Variants in GARRE1 observed in about 807,000 individuals in gnomAD.
GARRE1 encodes the protein granule associated Rac and RHOG effector 1, also known as granule associated Rac and RHOG effector protein 1.
In GARRE1, 49 loss-of-function variants were observed where a neutral mutation model predicts 103.2. The ratio of observed to expected loss-of-function variants is 0.47; its 90% CI spans 0.38 to 0.60. The LOEUF (loss-of-function observed/expected upper bound fraction) is 0.60. Ranked by LOEUF, GARRE1 falls within the 20% of genes least tolerant of loss-of-function variation. The probability of loss-of-function intolerance (pLI) is 0.00; values close to 1 mark genes in which losing one functional copy is unlikely to be tolerated. For missense variants in GARRE1, 1,199 were observed against 1,370.5 expected (o/e 0.87, Z 1.98); for synonymous variants, 505 against 532.8 (o/e 0.95, Z 0.72).
At position 34,327,406 on chromosome 19, in the gene GARRE1, C is replaced by G. The variant is rs370732103; in HGVS notation, c.706-15C>G. 1.1e-5 allele frequency: 18 copies of G among 1,613,486 alleles called. No homozygotes were observed. Among genetic ancestry groups the G allele is most frequent in the Admixed American group, 3.3e-5 (2 of 59,976 alleles). On this transcript the variant is annotated splice_polypyrimidine_tract_variant and intron_variant, in intron 3 of 13. Coordinates refer to ENST00000299505, the MANE Select transcript of GARRE1 (RefSeq NM_014686.5). ...ACCACCCTCTTTTACCTACCAGTTA[C>G]TATATATGTTACAGGCGACATCTAG...
In GARRE1 at chr19:34,349,066, C is replaced by G. The variant is rs374939720; in HGVS notation, c.2738C>G (p.Ser913Trp). ...GGTGCTCAGGGAGACTCTGCCAGCT[C>G]GAGTGATGAGACATCCTCAGCCAAC... ...WSGAQGDSASSSDETSSANGD... is the reference protein window; with the variant it reads ...WSGAQGDSASWSDETSSANGD... Residue 913 changes from serine to tryptophan, a missense_variant, in exon 12 of 14, where the codon TCG becomes TGG. Coordinates refer to ENST00000299505, the MANE Select transcript of GARRE1 (RefSeq NM_014686.5). 1.2e-6 allele frequency: 2 copies of G among 1,612,532 alleles called. No homozygotes were observed.
rs2074236959 is a variant in GARRE1 at position 34,351,525 on chromosome 19, G to A, written c.2837G>A (p.Ser946Asn). The A allele has an allele frequency of 6.2e-7, 1 of 1,613,888 alleles. No homozygotes were observed. Among genetic ancestry groups the A allele is most frequent in the Non-Finnish European group, 8.5e-7 (1 of 1,179,838 alleles). The stretch of plus-strand genomic sequence containing the variant: ...CTTGGTTCTTGCAGGAAACACAGCA[G>A]TGGAGAGCAAGACACCAGCACGCTG... ...AAVKQRRKHS[S>N]GEQDTSTLPS... The change falls in exon 13 of 14, where the codon AGT (serine) becomes AAT (asparagine). Residue 946 changes from serine to asparagine, a missense_variant. Physicochemically the swap from Ser to Asn is conservative, Grantham distance 46. Transcript: ENST00000299505.
chr19:34,269,509 A>G (rs2073773661), intron 1 of GARRE1, among the ~76,000 whole-genome samples: 2 of 152,186 alleles, frequency 1.3e-5, no homozygotes, highest in South Asian at 2.1e-4. Flanking sequence ...TTGTCAACCA[A>G]TCAATTATAT....
chr19:34,335,974 T>A (rs1203418047), intron 8 of GARRE1, among the ~76,000 whole-genome samples: 1 of 152,010 alleles, frequency 6.6e-6, no homozygotes, highest in East Asian at 1.9e-4. Flanking sequence ...GTTCTTTTAT[T>A]TTTTTAAATT....
intron 1 of GARRE1, among the ~76,000 whole-genome samples, chr19:34,276,687 C>T (rs10416656): frequency 6.6e-6 from 1 of 152,118 alleles, no homozygotes; most frequent in Non-Finnish European, 1.5e-5. Flanking sequence ...GTCACAGATA[C>T]CGCAGCCACT....
chr19:34,280,653 G>T (rs913778008), intron 1 of GARRE1, among the ~76,000 whole-genome samples: 5 of 152,040 alleles, frequency 3.3e-5, no homozygotes, highest in Admixed American at 6.6e-5. Context: ...TATATTTAAT[G>T]ATTTTCACCC....
At chr19:34,292,125 G>C (rs1013808880) in intron 1 of GARRE1, among the ~76,000 whole-genome samples, 3 of 152,204 alleles carry the variant, frequency 2.0e-5, no homozygotes, top group African/African-American at 7.2e-5. Context: ...GCCTCCCAAA[G>C]TGTTGGGATT....
At chr19:34,266,869 T>A (rs545043196) in intron 1 of GARRE1, among the ~76,000 whole-genome samples, 1 of 152,308 alleles carries the variant, frequency 6.6e-6, no homozygotes, top group Non-Finnish European at 1.5e-5. Flanking sequence ...TATTTATATA[T>A]AAGCTTCTGG....
In GARRE1 at chr19:34,314,694, A is replaced by C. The variant is rs140196515; in HGVS notation, c.496-5213A>C. On this transcript the variant is annotated intron_variant, in intron 2 of 13. Transcript: ENST00000299505. ...CTCCCTCGTTTGTTCTAAACATAGCATGGCACCTTTTGTATCCTGTAGGTT... is the reference window on the plus strand; with the variant it reads ...CTCCCTCGTTTGTTCTAAACATAGCCTGGCACCTTTTGTATCCTGTAGGTT... Among the ~76,000 whole-genome samples the C allele has an allele frequency of 3.4e-3, 522 of 152,342 alleles. 2 individuals are homozygous for C. The highest frequency in any genetic ancestry group is 7.1e-3 in the Admixed American group (108 of 15,298).
intron 1 of GARRE1, among the ~76,000 whole-genome samples, chr19:34,279,943 C>T (rs2073841247): frequency 1.4e-5 from 2 of 146,412 alleles, no homozygotes; most frequent in Admixed American, 1.4e-4. Flanking sequence ...CGAGATCCCG[C>T]CACTGCACTC....
intron 1 of GARRE1, among the ~76,000 whole-genome samples, chr19:34,291,380 A>G (rs1465957243): frequency 6.6e-6 from 1 of 152,214 alleles, no homozygotes. Context: ...TTAAATGAGA[A>G]GTTAGTTATG....
chr19:34,303,300 A>G (rs2073989968), intron 2 of GARRE1, among the ~76,000 whole-genome samples: 1 of 152,210 alleles, frequency 6.6e-6, no homozygotes, highest in Admixed American at 6.5e-5. Context: ...GATCCTAGGA[A>G]GGAGAATGTT....
At chr19:34,290,866 G>A (rs1369732011) in intron 1 of GARRE1, among the ~76,000 whole-genome samples, 1 of 118,830 alleles carries the variant, frequency 8.4e-6, no homozygotes, top group Non-Finnish European at 1.6e-5. Flanking sequence ...TCTACTGAAA[G>A]CATATTGCTT....
intron 1 of GARRE1, chr19:34,265,489 G>C (rs772369045): frequency 6.6e-6 from 1 of 152,226 alleles, no homozygotes; most frequent in Non-Finnish European, 1.5e-5. Context: ...CCTTTGGCTT[G>C]GGGTTGAAAG....
At chr19:34,256,484 C>T (rs187332410) in intron 1 of GARRE1, among the ~76,000 whole-genome samples, 4 of 149,860 alleles carry the variant, frequency 2.7e-5, no homozygotes, top group Admixed American at 1.3e-4. Flanking sequence ...CGTGCCACTG[C>T]GCTCCAGCCT....
chr19:34,301,684 A>G (rs1397616662), intron 2 of GARRE1, among the ~76,000 whole-genome samples: 1 of 140,190 alleles, frequency 7.1e-6, no homozygotes, highest in Non-Finnish European at 1.6e-5. Flanking sequence ...TTATTTGTGG[A>G]TTTTTTTTTT....
intron 2 of GARRE1, among the ~76,000 whole-genome samples, chr19:34,313,901 A>G (rs781462287): frequency 3.9e-5 from 6 of 152,094 alleles, no homozygotes; most frequent in Admixed American, 1.3e-4. Context: ...CCCAGGTTCA[A>G]GCAATTCTCC....
chr19:34,309,745 A>G (rs1303152158), intron 2 of GARRE1, among the ~76,000 whole-genome samples: 3 of 152,180 alleles, frequency 2.0e-5, no homozygotes. Flanking sequence ...GAAATTCAGG[A>G]ATGTATTAAA....
chr19:34,269,493 C>T (rs1017899038), intron 1 of GARRE1, among the ~76,000 whole-genome samples: 8 of 152,176 alleles, frequency 5.3e-5, no homozygotes, highest in Non-Finnish European at 5.9e-5. Flanking sequence ...ACATGGGCTT[C>T]GGATTTTGTC....
Sources: allele counts gnomAD v4.1 joint callset (sites outside exome capture counted in the v4.1 genomes callset), GRCh38; gene constraint gnomAD v4.1.1; transcripts MANE v1.5; gene names NCBI Gene and HGNC (gene_info 2026-07-23, HGNC 2026-07-21).